Variants in TMEM242 observed in about 807,000 individuals in gnomAD.
The protein encoded by TMEM242 is UPF0463 transmembrane protein C6orf35.
Under a neutral mutation model 18.2 loss-of-function variants are expected in TMEM242, and 10 were observed. The ratio of observed to expected loss-of-function variants is 0.55; its 90% CI spans 0.34 to 0.93. The LOEUF is 0.93. Ranked by LOEUF, TMEM242 falls within the 40% of genes least tolerant of loss-of-function variation. TMEM242 has a pLI of 0.02. For missense variants in TMEM242, 186 were observed against 175.5 expected, an observed-to-expected ratio of 1.06 and a Z score of -0.34; for synonymous variants, 57 against 69.9, an observed-to-expected ratio of 0.81 and a Z score of 0.92.
intron 2 of TMEM242, among the ~76,000 whole-genome samples, chr6:157,319,176 C>T (rs1038230685): frequency 6.6e-6 from 1 of 152,218 alleles, no homozygotes; most frequent in African/African-American, 2.4e-5. Context: ...CTCTATCCCC[C>T]ATTCATTGGC....
intron 3 of TMEM242, among the ~76,000 whole-genome samples, chr6:157,313,374 G>A (rs1562386206): frequency 5.0e-4 from 41 of 82,424 alleles, no homozygotes; most frequent in Non-Finnish European, 6.1e-4. Context: ...TCATCATAGT[G>A]CCTCAGTGTA....
At chr6:157,315,077 C>T (rs2128417412) in intron 3 of TMEM242, among the ~76,000 whole-genome samples, 1 of 152,312 alleles carries the variant, frequency 6.6e-6, no homozygotes, top group Non-Finnish European at 1.5e-5. Flanking sequence ...TGGACCATTT[C>T]TGTTTAACAT....
At chr6:157,304,587 G>A (rs1777884916) in intron 3 of TMEM242, among the ~76,000 whole-genome samples, 1 of 151,762 alleles carries the variant, frequency 6.6e-6, no homozygotes, top group Non-Finnish European at 1.5e-5. Flanking sequence ...AATGCATTAG[G>A]CAGTGTTACA....
At chr6:157,313,144 G>C (rs1362326762) in intron 3 of TMEM242, among the ~76,000 whole-genome samples, 32 of 78,420 alleles carry the variant, frequency 4.1e-4, no homozygotes, top group African/African-American at 1.7e-3. Flanking sequence ...GTGTCCCAGT[G>C]TGCGCTCACC....
In TMEM242 at chr6:157,318,769, A is replaced by G; in HGVS notation, c.327+13T>C. The G allele has an allele frequency of 6.2e-7, 1 of 1,613,956 alleles. No homozygotes were observed. Among genetic ancestry groups the G allele is most frequent in the Non-Finnish European group, 8.5e-7 (1 of 1,179,980 alleles). On this transcript the variant is annotated intron_variant, in intron 3 of 3. Transcript: ENST00000400788. ...AACATGTAGATACCAGGGACAAGACAGTAGTTACTTACACTGTGAACTCCT... is the reference window on the plus strand; with the variant it reads ...AACATGTAGATACCAGGGACAAGACGGTAGTTACTTACACTGTGAACTCCT...
intron 3 of TMEM242, among the ~76,000 whole-genome samples, chr6:157,303,533 A>G (rs1777860285): frequency 6.6e-6 from 1 of 152,282 alleles, no homozygotes; most frequent in Non-Finnish European, 1.5e-5. Flanking sequence ...ATGCAGTAAA[A>G]CAAATATGCA....
Position 157,305,188 on chromosome 6 carries a change from T to C in TMEM242, c.328-12189A>G, listed in dbSNP as rs1777893353. 6.6e-6 allele frequency among the ~76,000 whole-genome samples: 1 copy of C among 152,004 alleles called. No homozygotes were observed. The highest frequency in any genetic ancestry group is 2.4e-5 in the African/African-American group (1 of 41,380). ...ACTGGACAGGAAACTCTTAAAACACTAGGCAACAGAGGAATGGATGTGGAG... is the reference window on the plus strand; with the variant it reads ...ACTGGACAGGAAACTCTTAAAACACCAGGCAACAGAGGAATGGATGTGGAG... On this transcript the variant is annotated intron_variant, in intron 3 of 3. Transcript: ENST00000400788. The surrounding 1 kb of genome is among the most constrained non-coding windows in gnomAD (Gnocchi z 4.1).
In TMEM242 at chr6:157,292,156, C is replaced by T. The variant is rs587687825; in HGVS notation, c.*745G>A. The T allele has an allele frequency of 2.0e-4, 31 of 152,216 alleles. No homozygotes were observed. The highest frequency in any genetic ancestry group is 7.0e-4 in the African/African-American group (29 of 41,524). The allele number at this position is 152,216 out of a possible 1,614,324, so 9.4% of individuals were successfully genotyped here. A position where few individuals can be genotyped will look rare whatever the true frequency, so the allele number is the denominator to read the frequency against. The stretch of plus-strand genomic sequence containing the variant: ...GCTTTTTTTACTTTGACAACTGAGA[C>T]AAAATGACAAATTGTCAGTGTTCAG... On this transcript the variant is annotated 3_prime_UTR_variant, in exon 4 of 4. Transcript: ENST00000400788.
At chr6:157,319,452 G>A (rs1334715024) in intron 2 of TMEM242, among the ~76,000 whole-genome samples, 2 of 152,138 alleles carry the variant, frequency 1.3e-5, no homozygotes, top group Non-Finnish European at 2.9e-5. Context: ...CAAAAATGTT[G>A]ATCTATTTTA....
chr6:157,300,472 C>T (rs1460536701), intron 3 of TMEM242, among the ~76,000 whole-genome samples: 4 of 152,348 alleles, frequency 2.6e-5, no homozygotes, highest in Non-Finnish European at 2.9e-5. Flanking sequence ...AGGAAAAATG[C>T]TTCTATTAAC....
At chr6:157,311,015 C>A (rs1778040981) in intron 3 of TMEM242, among the ~76,000 whole-genome samples, 2 of 680 alleles carry the variant, frequency 2.9e-3, no homozygotes, top group South Asian at 0.033. Context: ...AGTGTGCAGT[C>A]ACCTAGCCTC....
chr6:157,299,676 G>A (rs1266023704), intron 3 of TMEM242: 31 of 1,610,294 alleles, frequency 1.9e-5, no homozygotes, highest in Non-Finnish European at 2.4e-5. Flanking sequence ...GCCACATTTC[G>A]CTGGACTAAA....
chr6:157,311,349 T>C (rs1583565563), intron 3 of TMEM242, among the ~76,000 whole-genome samples: 8 of 131,012 alleles, frequency 6.1e-5, no homozygotes, highest in Admixed American at 6.1e-4. Context: ...TGTCCCAGTG[T>C]GCGCTCACCT....
At chr6:157,303,637 G>A (rs1240458157) in intron 3 of TMEM242, among the ~76,000 whole-genome samples, 1 of 152,156 alleles carries the variant, frequency 6.6e-6, no homozygotes, top group South Asian at 2.1e-4. Flanking sequence ...AGAACCCTTG[G>A]TTTAGGGGAA....
At chr6:157,321,606 G>A (rs961805105) in intron 2 of TMEM242, among the ~76,000 whole-genome samples, 1 of 152,196 alleles carries the variant, frequency 6.6e-6, no homozygotes, top group Non-Finnish European at 1.5e-5. Context: ...GATCAGCAGG[G>A]TTCTGTGGAC....
Position 157,292,126 on chromosome 6 carries a change from A to G in TMEM242, c.*775T>C, listed in dbSNP as rs1269514191. 7.9e-5 allele frequency: 12 copies of G among 152,208 alleles called. No homozygotes were observed. The highest frequency in any genetic ancestry group is 2.4e-4 in the African/African-American group (10 of 41,454). The allele number at this position is 152,208 out of a possible 1,614,324, so 9.4% of individuals were successfully genotyped here. A position where few individuals can be genotyped will look rare whatever the true frequency, so the allele number is the denominator to read the frequency against. On this transcript the variant is annotated 3_prime_UTR_variant, in exon 4 of 4. Coordinates refer to ENST00000400788, the MANE Select transcript of TMEM242 (RefSeq NM_018452.6). ...TTAAAAATATTGAAGACGGATGACA[A>G]CTGGGCTTTTTTTACTTTGACAACT... is the stretch of plus-strand genomic sequence containing the variant.
intron 3 of TMEM242, among the ~76,000 whole-genome samples, chr6:157,311,141 AGTGTGC>A (rs1778053244): frequency 1.0e-5 from 1 of 95,794 alleles, no homozygotes; most frequent in Non-Finnish European, 2.4e-5. Context: ...ATAGTGTCCC[AGTGTGC>A]ACTCACCTAG....
In TMEM242 at chr6:157,313,097, A is replaced by AT. The variant is rs1562385889; in HGVS notation, c.327+5684_327+5685insA. Among the ~76,000 whole-genome samples the AT allele has an allele frequency of 1.0e-4, 14 of 139,886 alleles. 1 individual carries two copies. Among genetic ancestry groups the AT allele is most frequent in the Non-Finnish European group, 1.7e-4 (11 of 64,502 alleles). 91.8% of individuals were successfully genotyped at this position (139,886 alleles called of 152,430 possible). ...CAGTATGCACTCACCTGGCCTCATCAAAGTGTCCCAGTGTGTGCTCACCCG... is the reference window on the plus strand; with the variant it reads ...CAGTATGCACTCACCTGGCCTCATCATAAGTGTCCCAGTGTGTGCTCACCCG... On this transcript the variant is annotated intron_variant, in intron 3 of 3. Coordinates refer to ENST00000400788, the MANE Select transcript of TMEM242 (RefSeq NM_018452.6).
At chr6:157,310,746 G>A (rs1554248422) in intron 3 of TMEM242, among the ~76,000 whole-genome samples, 2 of 149,536 alleles carry the variant, frequency 1.3e-5, no homozygotes, top group South Asian at 2.1e-4. Context: ...GTGTCCCAGT[G>A]TGCACTCACC....
Sources: allele counts gnomAD v4.1 joint callset (sites outside exome capture counted in the v4.1 genomes callset), GRCh38; gene constraint gnomAD v4.1.1; non-coding constraint Gnocchi (gnomAD v3.1); transcripts MANE v1.5; gene names NCBI Gene and HGNC (gene_info 2026-07-23, HGNC 2026-07-21).